GRID2: variants seen among roughly 807,000 people sequenced by gnomAD.
The protein encoded by GRID2 is glutamate receptor ionotropic, delta-2.
Under a neutral mutation model 114.8 loss-of-function variants are expected in GRID2, and 33 were observed. That is an observed-to-expected ratio of 0.29 (90% CI 0.22 to 0.38). The LOEUF (loss-of-function observed/expected upper bound fraction) is 0.38, where lower values mean the gene tolerates loss of function less well. GRID2 is among the 10% of genes least tolerant of loss of function. The pLI is 1.00. For missense variants in GRID2, 1,184 were observed against 1,257.7 expected, an observed-to-expected ratio of 0.94 and a Z score of 0.89; for synonymous variants, 505 against 449.9, an observed-to-expected ratio of 1.12 and a Z score of -1.55.
intron 1 of GRID2, among the ~76,000 whole-genome samples, chr4:93,786,291 A>G (rs2110354922): frequency 6.6e-6 from 1 of 152,314 alleles, no homozygotes; most frequent in Admixed American, 6.5e-5. Context: ...CTGCTCTCCC[A>G]AGGAATATGG....
At chr4:93,505,906 G>A (rs1474202495) in intron 12 of GRID2, among the ~76,000 whole-genome samples, 1 of 152,040 alleles carries the variant, frequency 6.6e-6, no homozygotes, top group South Asian at 2.1e-4. Context: ...AGTCAGACAA[G>A]CCAGTCAGAT....
intron 2 of GRID2, among the ~76,000 whole-genome samples, chr4:92,619,895 C>CTTTT (rs538099604): frequency 2.0e-5 from 3 of 151,322 alleles, no homozygotes; most frequent in Non-Finnish European, 3.0e-5. Flanking sequence ...GTTACACATG[C>CTTTT]CTTTTTTTTT....
intron 2 of GRID2, among the ~76,000 whole-genome samples, chr4:92,680,440 G>A (rs1227418606): frequency 1.3e-5 from 2 of 152,080 alleles, no homozygotes; most frequent in Admixed American, 6.6e-5. Flanking sequence ...CATGTTAAGT[G>A]TGCACAAATA....
intron 12 of GRID2, among the ~76,000 whole-genome samples, chr4:93,501,999 C>T (rs7655363): frequency 1.3e-5 from 2 of 151,618 alleles, no homozygotes; most frequent in Non-Finnish European, 2.9e-5. Context: ...TTCTATCCAC[C>T]ACAAACTTAT....
chr4:93,249,811 G>A (rs1445971887), intron 8 of GRID2, among the ~76,000 whole-genome samples: 1 of 151,876 alleles, frequency 6.6e-6, no homozygotes, highest in Admixed American at 6.6e-5. Context: ...TCTCATGCCC[G>A]TTAGAATGGT....
chr4:93,213,768 T>C (rs943087847), intron 5 of GRID2, among the ~76,000 whole-genome samples: 18 of 150,954 alleles, frequency 1.2e-4, no homozygotes, highest in Admixed American at 1.1e-3. Context: ...TGTTTCTAGA[T>C]GGAGTTGTAT....
At chr4:93,145,456 T>C (rs1044300249) in intron 4 of GRID2, among the ~76,000 whole-genome samples, 2 of 125,972 alleles carry the variant, frequency 1.6e-5, no homozygotes, top group African/African-American at 6.9e-5. Context: ...TGTATTTGTA[T>C]TTATTTATTT....
intron 2 of GRID2, among the ~76,000 whole-genome samples, chr4:92,817,088 A>C (rs1740962700): frequency 1.3e-5 from 2 of 152,082 alleles, no homozygotes; most frequent in African/African-American, 4.8e-5. Flanking sequence ...AGTCACCATT[A>C]ACCCTACACT....
intron 1 of GRID2, among the ~76,000 whole-genome samples, chr4:92,524,687 A>C (rs1213134163): frequency 6.6e-6 from 1 of 151,966 alleles, no homozygotes; most frequent in African/African-American, 2.4e-5. Context: ...CATGTAACCT[A>C]ACATATTCAC....
chr4:93,252,150 TC>T (rs1224786184), intron 8 of GRID2, among the ~76,000 whole-genome samples: 4 of 152,058 alleles, frequency 2.6e-5, no homozygotes, highest in Non-Finnish European at 4.4e-5. Context: ...GTGCCTATGT[TC>T]TGAATGGTAT....
intron 1 of GRID2, among the ~76,000 whole-genome samples, chr4:92,443,224 T>A (rs571989872): frequency 6.6e-6 from 1 of 150,974 alleles, no homozygotes; most frequent in African/African-American, 2.5e-5. Flanking sequence ...GCCTATTTTA[T>A]GACAAGAATT....
At chr4:92,880,696 CACA>C (rs939545972) in intron 2 of GRID2, among the ~76,000 whole-genome samples, 2 of 151,870 alleles carry the variant, frequency 1.3e-5, no homozygotes, top group Non-Finnish European at 2.9e-5. Flanking sequence ...AAGAAAAAAA[CACA>C]ACAATTTGGC....
At chr4:93,798,293 T>C (rs1466629376) in intron 1 of GRID2, among the ~76,000 whole-genome samples, 1 of 152,124 alleles carries the variant, frequency 6.6e-6, no homozygotes, top group Non-Finnish European at 1.5e-5. Context: ...GATCACAGTC[T>C]TTCCAAATAA....
intron 11 of GRID2, among the ~76,000 whole-genome samples, chr4:93,488,029 A>G (rs1469117359): frequency 1.3e-5 from 2 of 152,004 alleles, no homozygotes; most frequent in African/African-American, 4.8e-5. Context: ...AAACTCAAGT[A>G]TGCTTTTATG....
chr4:93,480,353 T>C (rs1056516928), intron 11 of GRID2, among the ~76,000 whole-genome samples: 1 of 152,070 alleles, frequency 6.6e-6, no homozygotes, highest in Non-Finnish European at 1.5e-5. Flanking sequence ...CTGGGTTAGT[T>C]CTGGGAACTA....
chr4:93,178,340 T>C (rs1739547183), intron 4 of GRID2, among the ~76,000 whole-genome samples: 2 of 151,780 alleles, frequency 1.3e-5, no homozygotes, highest in Admixed American at 1.3e-4. Context: ...AGGATCATTT[T>C]TTTTATATTT....
At chr4:92,760,475 G>A (rs1174025744) in intron 2 of GRID2, among the ~76,000 whole-genome samples, 3 of 152,020 alleles carry the variant, frequency 2.0e-5, no homozygotes, top group Non-Finnish European at 4.4e-5. Flanking sequence ...GGAGTATGAA[G>A]GCACAATGCC....
At chr4:92,571,849 T>C (rs1431689609) in intron 1 of GRID2, among the ~76,000 whole-genome samples, 1 of 151,916 alleles carries the variant, frequency 6.6e-6, no homozygotes, top group South Asian at 2.1e-4. Context: ...AACAAAGACA[T>C]AACATACCAG....
intron 1 of GRID2, among the ~76,000 whole-genome samples, chr4:92,555,204 A>G (rs947567741): frequency 2.6e-5 from 4 of 152,134 alleles, no homozygotes; most frequent in African/African-American, 9.7e-5. Flanking sequence ...AGTTTCCCTC[A>G]CTGAGTGAAT....
Sources: allele counts gnomAD v4.1 joint callset (sites outside exome capture counted in the v4.1 genomes callset), GRCh38; gene constraint gnomAD v4.1.1; transcripts MANE v1.5; gene names NCBI Gene and HGNC (gene_info 2026-07-23, HGNC 2026-07-21).